NAB1: variants seen among roughly 807,000 people sequenced by gnomAD.
The protein encoded by NAB1 is NGFI-A-binding protein 1.
A neutral mutation model predicts 49.9 loss-of-function variants in NAB1; 25 were observed. That is an observed-to-expected ratio of 0.50 (90% CI 0.37 to 0.70). NAB1 has a LOEUF of 0.70. Ranked by LOEUF, NAB1 falls within the 30% of genes least tolerant of loss-of-function variation. NAB1 has a pLI of 0.00. For synonymous variants in NAB1, 198 were observed against 215.6 expected (o/e 0.92, Z 0.71); for missense variants, 489 against 575.9 (o/e 0.85, Z 1.54).
At chr2:190,672,324 C>T (rs1281869153) in intron 5 of NAB1, among the ~76,000 whole-genome samples, 2 of 152,120 alleles carry the variant, frequency 1.3e-5, no homozygotes, top group Non-Finnish European at 2.9e-5. Context: ...TGTACTTTTT[C>T]ACATTTTAAC....
At chr2:190,688,817 TC>T (rs1200206702) in intron 9 of NAB1, among the ~76,000 whole-genome samples, 2 of 151,712 alleles carry the variant, frequency 1.3e-5, no homozygotes, top group African/African-American at 4.9e-5. Context: ...TTCTTTTCTT[TC>T]CTTTCTTTCT....
At position 190,689,655 on chromosome 2, in the gene NAB1, T is replaced by C. The variant is rs1032040023; in HGVS notation, c.1376-590T>C. Among the ~76,000 whole-genome samples the C allele has an allele frequency of 6.6e-6, 1 of 152,152 alleles. No individual in the cohort carries two copies. The highest frequency in any genetic ancestry group is 2.4e-5 in the African/African-American group (1 of 41,444). The stretch of plus-strand genomic sequence containing the variant: ...TACACATAGAACTCCATGGAATGAT[T>C]TCTCATGAAAATAGTGTTCATTATT... On this transcript the variant is annotated intron_variant, in intron 9 of 9. Coordinates refer to ENST00000337386, the MANE Select transcript of NAB1 (RefSeq NM_005966.4). The surrounding 1 kb of genome is among the most constrained non-coding windows in gnomAD (Gnocchi z 4.3).
rs944864555 is a variant in NAB1 at position 190,674,763 on chromosome 2, A to C, written c.1005+1611A>C. The stretch of plus-strand genomic sequence containing the variant: ...AACAAAAAGCCACATTAAAAAAAGA[A>C]ATGTGGGCTGGGTATGGTGGCTCAC... On this transcript the variant is annotated intron_variant, in intron 6 of 9. Coordinates refer to ENST00000337386, the MANE Select transcript of NAB1 (RefSeq NM_005966.4). The surrounding 1 kb of genome is among the most constrained non-coding windows in gnomAD (Gnocchi z 5.7). 3.3e-5 allele frequency among the ~76,000 whole-genome samples: 5 copies of C among 152,144 alleles called. No individual in the cohort carries two copies. The highest frequency in any genetic ancestry group is 1.2e-4 in the African/African-American group (5 of 41,426).
intron 4 of NAB1, among the ~76,000 whole-genome samples, chr2:190,660,511 A>G (rs1694168015): frequency 6.6e-6 from 1 of 152,238 alleles, no homozygotes; most frequent in Non-Finnish European, 1.5e-5. Context: ...TTTTATCTTT[A>G]TAGTACTCTA....
intron 7 of NAB1, 85 bp downstream of exon 7, chr2:190,683,912 G>T: frequency 9.4e-7 from 1 of 1,060,690 alleles, no homozygotes. Flanking sequence ...TCAGTTTTAA[G>T]TATCTGAGGC....
intron 6 of NAB1, among the ~76,000 whole-genome samples, chr2:190,673,844 A>C (rs555510390): frequency 2.6e-5 from 4 of 152,238 alleles, no homozygotes; most frequent in African/African-American, 9.6e-5. Flanking sequence ...TCCGAACTAT[A>C]GAATGGTTTC....
chr2:190,668,651 A>C (rs1336621578), intron 4 of NAB1, among the ~76,000 whole-genome samples: 1 of 152,240 alleles, frequency 6.6e-6, no homozygotes, highest in Non-Finnish European at 1.5e-5. Context: ...GGAATAATGT[A>C]TATTAGAATA....
chr2:190,688,963 C>T (rs1469994539), intron 9 of NAB1, among the ~76,000 whole-genome samples: 4 of 151,970 alleles, frequency 2.6e-5, no homozygotes, highest in Admixed American at 6.6e-5. Context: ...CTCAGCCTCC[C>T]GAGTAGCTAG....
intron 4 of NAB1, among the ~76,000 whole-genome samples, chr2:190,661,751 G>C (rs978757502): frequency 8.5e-5 from 13 of 152,194 alleles, no homozygotes; most frequent in Admixed American, 2.6e-4. Flanking sequence ...AAATGTGGGG[G>C]TGGGGGCTTT....
Position 190,659,744 on chromosome 2 carries a change from G to C in NAB1, c.568G>C (p.Ala190Pro), listed in dbSNP as rs1358224796. Residue 190 changes from alanine to proline, a missense_variant, in exon 4 of 10, where the codon GCG (alanine) becomes CCG (proline). This residue lies in a region of NAB1 where 204 missense variants were observed against 220.9 expected (regional missense o/e 0.92). Coordinates refer to ENST00000337386, the MANE Select transcript of NAB1 (RefSeq NM_005966.4). This position sits in a 1 kb window ranked among gnomAD's most constrained non-coding sequence, Gnocchi z 6.2. Reference protein sequence around the residue: ...SPASPKESSEALDAAAALSVA... With the variant: ...SPASPKESSEPLDAAAALSVA... ...CGCGTCCCCAAAGGAGAGCAGTGAGGCGCTGGATGCTGCTGCTGCGCTCTC... is the reference window on the plus strand; with the variant it reads ...CGCGTCCCCAAAGGAGAGCAGTGAGCCGCTGGATGCTGCTGCTGCGCTCTC... The C allele has an allele frequency of 6.2e-7, 1 of 1,614,032 alleles. No homozygotes were observed. Among genetic ancestry groups the C allele is most frequent in the Admixed American group, 1.7e-5 (1 of 59,996 alleles).
chr2:190,661,815 A>T (rs572477891), intron 4 of NAB1, among the ~76,000 whole-genome samples: 5 of 152,110 alleles, frequency 3.3e-5, no homozygotes, highest in Non-Finnish European at 7.4e-5. Flanking sequence ...TGTTACTTGT[A>T]CTCCAGTATG....
rs1695278167 is a variant in NAB1 at position 190,680,432 on chromosome 2, C to G, written c.1006-3306C>G. ...AGCTGCTTTCTTTTGGAACTCTCAG[C>G]CTAGACACCCTGGCCTCTGGGATGC... is the stretch of plus-strand genomic sequence containing the variant. On this transcript the variant is annotated intron_variant, in intron 6 of 9. Coordinates refer to ENST00000337386, the MANE Select transcript of NAB1 (RefSeq NM_005966.4). This position sits in a 1 kb window ranked among gnomAD's most constrained non-coding sequence, Gnocchi z 5.2. Among the ~76,000 whole-genome samples, 1 of 152,174 alleles carries G rather than the reference C, an allele frequency of 6.6e-6. No individual in the cohort carries two copies. Among genetic ancestry groups the G allele is most frequent in the African/African-American group, 2.4e-5 (1 of 41,434 alleles).
chr2:190,683,699 C>T, intron 6 of NAB1, 39 bp from the exon 7 acceptor site: 1 of 1,410,320 alleles, frequency 7.1e-7, no homozygotes, highest in Non-Finnish European at 9.8e-7. Flanking sequence ...TTATTATTTA[C>T]AAACTCTAAA....
chr2:190,649,454 G>A lies in NAB1; in HGVS notation c.-334+94G>A, dbSNP rs1419608508. The A allele has an allele frequency of 2.0e-5, 3 of 152,280 alleles. No homozygotes were observed. Among genetic ancestry groups the A allele is most frequent in the African/African-American group, 7.2e-5 (3 of 41,448 alleles). 9.4% of individuals were successfully genotyped at this position (152,280 alleles called of 1,614,324 possible). On this transcript the variant is annotated intron_variant, in intron 1 of 9. Coordinates refer to ENST00000337386, the MANE Select transcript of NAB1 (RefSeq NM_005966.4). The surrounding 1 kb of genome is among the most constrained non-coding windows in gnomAD (Gnocchi z 6.1). ...CCACGGGCGAACTTGGGGCGGCTGA[G>A]TCGCGGGGCCACGCGGGCACTTTGG... is the stretch of plus-strand genomic sequence containing the variant.
chr2:190,659,380 G>A lies in NAB1; in HGVS notation c.204G>A (p.Leu68=). The A allele has an allele frequency of 6.2e-7, 1 of 1,614,180 alleles. No individual in the cohort carries two copies. The highest frequency in any genetic ancestry group is 8.5e-7 in the Non-Finnish European group (1 of 1,180,036). Residue 68 remains leucine, a synonymous_variant, in exon 4 of 10, where the codon CTG becomes CTA. Transcript: ENST00000337386. This position sits in a 1 kb window ranked among gnomAD's most constrained non-coding sequence, Gnocchi z 6.2. ...MASKPLHVRR[L]QKALRDWVTN... ...GCAAGCCCCTTCATGTTAGAAGGCT[G>A]CAGAAGGCTTTGAGAGACTGGGTCA... is the stretch of plus-strand genomic sequence containing the variant.
At position 190,685,558 on chromosome 2, in the gene NAB1, G is replaced by A. The variant is rs543055529; in HGVS notation, c.1178G>A (p.Arg393Lys). The A allele has an allele frequency of 1.2e-6, 2 of 1,614,124 alleles. No individual in the cohort carries two copies. The highest frequency in any genetic ancestry group is 1.7e-6 in the Non-Finnish European group (2 of 1,180,000). ...GAGAGACTGCAGCATGCCGAGAGGA[G>A]GTTGTCTGCAGGGCTTTACAGGCAG... ...GYERLQHAER[R>K]LSAGLYRQSS... The change falls in exon 8 of 10, where the codon AGG (arginine) becomes AAG (lysine). Residue 393 changes from arginine (R) to lysine (K), a missense_variant. Arg to Lys is a conservative substitution (Grantham distance 26). This residue lies in a region of NAB1 where 212 missense variants were observed against 199.3 expected (regional missense o/e 1.06). Coordinates refer to ENST00000337386, the MANE Select transcript of NAB1 (RefSeq NM_005966.4). This position sits in a 1 kb window ranked among gnomAD's most constrained non-coding sequence, Gnocchi z 4.5.
At position 190,690,259 on chromosome 2, in the gene NAB1, T is replaced by G. The variant is rs761814168; in HGVS notation, c.1390T>G (p.Leu464Val). ...KSHSSESLGI[L>V]KDYPHSAFTL... ...TTTTTATGTAGAGAGCCTTGGGATT[T>G]TAAAAGACTACCCTCATTCAGCTTT... Residue 464 changes from leucine (L) to valine (V), a missense_variant, in exon 10 of 10, where the codon TTA (leucine) becomes GTA (valine). Physicochemically the swap from Leu to Val is conservative, Grantham distance 32. This residue lies in a region of NAB1 where 212 missense variants were observed against 199.3 expected (regional missense o/e 1.06). Coordinates refer to ENST00000337386, the MANE Select transcript of NAB1 (RefSeq NM_005966.4). 3.1e-6 allele frequency: 5 copies of G among 1,611,454 alleles called. No individual in the cohort carries two copies. The highest frequency in any genetic ancestry group is 4.2e-6 in the Non-Finnish European group (5 of 1,178,044).
chr2:190,673,224 C>A, intron 6 of NAB1, 72 bp downstream of exon 6: 2 of 1,389,238 alleles, frequency 1.4e-6, no homozygotes, highest in Non-Finnish European at 2.0e-6. Flanking sequence ...AAAATCTTAA[C>A]TAGTTCAGAC....
rs762560552 is a variant in NAB1, at chr2:190,667,987, AATG to A, written c.820-2337_820-2335del. On this transcript the variant is annotated intron_variant, in intron 4 of 9. Transcript: ENST00000337386. This position sits in a 1 kb window ranked among gnomAD's most constrained non-coding sequence, Gnocchi z 4.4. ...AAGTTCTAAGAACATGAAACATTGT[AATG>A]AGTCAAAGATGTAAGAAAAACCTTT... 2.0e-5 allele frequency among the ~76,000 whole-genome samples: 3 copies of A among 152,174 alleles called. No homozygotes were observed. The highest frequency in any genetic ancestry group is 4.4e-5 in the Non-Finnish European group (3 of 67,986).
Sources: allele counts gnomAD v4.1 joint callset (sites outside exome capture counted in the v4.1 genomes callset), GRCh38; gene constraint gnomAD v4.1.1; regional missense constraint gnomAD v4.1.1; non-coding constraint Gnocchi (gnomAD v3.1); transcripts MANE v1.5; gene names NCBI Gene and HGNC (gene_info 2026-07-23, HGNC 2026-07-21).